Variants in NPSR1 observed in about 807,000 individuals in gnomAD.
The protein encoded by NPSR1 is neuropeptide S receptor 1.
NPSR1 carries 48 observed loss-of-function variants against 46.9 expected under a neutral mutation model. That is an observed-to-expected ratio of 1.02 (90% confidence interval 0.81 to 1.30). The LOEUF is 1.30. NPSR1 is among the 50% of genes most tolerant of loss of function. The pLI is 0.00. For synonymous variants in NPSR1, 176 were observed against 168.1 expected (o/e 1.05, Z -0.36); for missense variants, 450 against 449.5 (o/e 1.00, Z -0.01).
chr7:34,786,096 C>A (rs1787454746), intron 3 of NPSR1, among the ~76,000 whole-genome samples: 1 of 152,100 alleles, frequency 6.6e-6, no homozygotes, highest in South Asian at 2.1e-4. Flanking sequence ...CTGTAGTATG[C>A]AATACTGTTT....
intron 5 of NPSR1, among the ~76,000 whole-genome samples, chr7:34,833,044 G>A (rs1790192555): frequency 6.6e-6 from 1 of 152,164 alleles, no homozygotes; most frequent in African/African-American, 2.4e-5. Flanking sequence ...GCACTTGGAG[G>A]GGTTCACTCA....
At chr7:34,705,054 T>G (rs1253996995) in intron 2 of NPSR1, among the ~76,000 whole-genome samples, 2 of 152,188 alleles carry the variant, frequency 1.3e-5, no homozygotes, top group Non-Finnish European at 2.9e-5. Context: ...CTAATTATGG[T>G]CTCTATATTG....
intron 2 of NPSR1, among the ~76,000 whole-genome samples, chr7:34,687,256 AG>A (rs1792984368): frequency 6.6e-6 from 1 of 152,158 alleles, no homozygotes; most frequent in Non-Finnish European, 1.5e-5. Flanking sequence ...TCATATTTAT[AG>A]TTACATATGT....
At chr7:34,824,600 G>A (rs962777087) in intron 4 of NPSR1, among the ~76,000 whole-genome samples, 1 of 152,106 alleles carries the variant, frequency 6.6e-6, no homozygotes, top group African/African-American at 2.4e-5. Flanking sequence ...TGGGCCTTTG[G>A]GGAAACATCT....
chr7:34,719,887 G>A (rs746404353), intron 2 of NPSR1: 2 of 151,888 alleles, frequency 1.3e-5, no homozygotes, highest in African/African-American at 2.4e-5. Flanking sequence ...AATCAGAGAG[G>A]AACTGACACT....
chr7:34,875,612 A>G (rs1264866301), intron 8 of NPSR1, among the ~76,000 whole-genome samples: 2 of 152,184 alleles, frequency 1.3e-5, no homozygotes, highest in Non-Finnish European at 2.9e-5. Flanking sequence ...GTCGAGCCCC[A>G]GTGCCTCCTG....
intron 2 of NPSR1, among the ~76,000 whole-genome samples, chr7:34,721,381 C>T (rs767244456): frequency 6.6e-6 from 1 of 152,080 alleles, no homozygotes; most frequent in Non-Finnish European, 1.5e-5. Flanking sequence ...TAGAAGAAAC[C>T]CTTCCTGAGC....
intron 3 of NPSR1, among the ~76,000 whole-genome samples, chr7:34,799,643 A>G: frequency 6.7e-6 from 1 of 149,110 alleles, no homozygotes; most frequent in African/African-American, 2.5e-5. Context: ...CGAGAGTAGG[A>G]AGAAACTGCA....
intron 3 of NPSR1, among the ~76,000 whole-genome samples, chr7:34,793,946 G>A (rs978174703): frequency 2.6e-5 from 4 of 152,122 alleles, no homozygotes; most frequent in Admixed American, 6.6e-5. Context: ...AGAACATTGT[G>A]TCAAGTGAAA....
intron 3 of NPSR1, among the ~76,000 whole-genome samples, chr7:34,792,463 C>T (rs1787924144): frequency 6.8e-6 from 1 of 147,436 alleles, no homozygotes; most frequent in Admixed American, 7.0e-5. Context: ...TATTCAAGAC[C>T]CGCCAGGGAA....
At chr7:34,659,924 G>A (rs1389487771) in intron 1 of NPSR1, among the ~76,000 whole-genome samples, 1 of 152,130 alleles carries the variant, frequency 6.6e-6, no homozygotes, top group Non-Finnish European at 1.5e-5. Context: ...ATGATAGCAA[G>A]CAGAATGAAG....
chr7:34,689,126 G>T (rs1010686808), intron 2 of NPSR1, among the ~76,000 whole-genome samples: 1 of 152,232 alleles, frequency 6.6e-6, no homozygotes, highest in Admixed American at 6.5e-5. Flanking sequence ...ACCCATCTTG[G>T]CCCCCACTCC....
At chr7:34,810,035 A>G (rs553429951) in intron 3 of NPSR1, among the ~76,000 whole-genome samples, 1 of 152,308 alleles carries the variant, frequency 6.6e-6, no homozygotes, top group South Asian at 2.1e-4. Context: ...TGGCTTTCAC[A>G]ACATTAGTGC....
chr7:34,663,095 C>CGG (rs78997347), intron 1 of NPSR1, among the ~76,000 whole-genome samples: 20 of 65,066 alleles, frequency 3.1e-4, no homozygotes, highest in South Asian at 2.9e-3. Context: ...GTGTGTGTGG[C>CGG]GGGGGGGAGT....
chr7:34,796,201 ATAAATC>A (rs1257983103), intron 3 of NPSR1, among the ~76,000 whole-genome samples: 19 of 152,166 alleles, frequency 1.2e-4, no homozygotes. Flanking sequence ...ACGCCTAATA[ATAAATC>A]TAAACACAGA....
At chr7:34,666,763 T>C (rs1258046538) in intron 1 of NPSR1, among the ~76,000 whole-genome samples, 1 of 152,126 alleles carries the variant, frequency 6.6e-6, no homozygotes, top group Non-Finnish European at 1.5e-5. Flanking sequence ...AGACATTGCA[T>C]TATTACACAT....
At chr7:34,680,240 T>C (rs1403940040) in intron 1 of NPSR1, among the ~76,000 whole-genome samples, 2 of 152,112 alleles carry the variant, frequency 1.3e-5, no homozygotes, top group Non-Finnish European at 2.9e-5. Context: ...CCACTAAAAA[T>C]ACAAAAGACT....
chr7:34,858,556 A>G (rs1186943565), intron 8 of NPSR1, among the ~76,000 whole-genome samples: 2 of 132,654 alleles, frequency 1.5e-5, no homozygotes, highest in African/African-American at 5.2e-5. Flanking sequence ...CTGCTGATAA[A>G]GACATACCTG....
In NPSR1 at chr7:34,658,576, C is replaced by T. The variant is rs748293238; in HGVS notation, c.147+17C>T. 5.6e-6 allele frequency: 9 copies of T among 1,610,078 alleles called. No individual in the cohort carries two copies. Among genetic ancestry groups the T allele is most frequent in the East Asian group, 2.2e-5 (1 of 44,856 alleles). On this transcript the variant is annotated intron_variant, in intron 1 of 8. Coordinates refer to ENST00000360581, the MANE Select transcript of NPSR1 (RefSeq NM_207172.2). ...TCCTTTAAGGTAAGTTTCTTGCCTG[C>T]GACTCTGAACACTGACTTATAACAA...
Sources: gnomAD v4.1 joint callset for allele counts (sites outside exome capture counted in the v4.1 genomes callset) on GRCh38, gnomAD v4.1.1 for gene constraint, MANE v1.5 for transcripts, NCBI Gene and HGNC (gene_info 2026-07-23, HGNC 2026-07-21) for gene names.